Variants in SEC14L2 observed in about 807,000 individuals in gnomAD.
SEC14L2 encodes the protein SEC14 like lipid binding 2.
SEC14L2 carries 50 observed loss-of-function variants against 56.9 expected under a neutral mutation model. The observed-to-expected ratio is 0.88, with a 90% confidence interval of 0.70 to 1.11. The LOEUF (loss-of-function observed/expected upper bound fraction) is 1.11. SEC14L2 is among the 50% of genes most tolerant of loss of function. The probability of loss-of-function intolerance (pLI) is 0.00; values close to 1 mark genes in which losing one functional copy is unlikely to be tolerated. For missense variants in SEC14L2, 414 were observed against 500.7 expected (o/e 0.83, Z 1.65); for synonymous variants, 179 against 188.5 (o/e 0.95, Z 0.41).
chr22:30,411,730 G>A (rs13054598), intron 8 of SEC14L2, among the ~76,000 whole-genome samples: 1 of 35,894 alleles, frequency 2.8e-5, no homozygotes, highest in Non-Finnish European at 4.8e-5. Flanking sequence ...CTGGGCAACA[G>A]AGACTCCGTC....
chr22:30,422,352 CAG>C lies in SEC14L2; in HGVS notation c.1159_1160del (p.Asp387GlnfsTer46). The C allele has an allele frequency of 6.2e-7, 1 of 1,614,210 alleles. No homozygotes were observed. The highest frequency in any genetic ancestry group is 8.5e-7 in the Non-Finnish European group (1 of 1,180,030). On this transcript the variant is annotated frameshift_variant, in exon 12 of 12. Coordinates refer to ENST00000615189, the MANE Select transcript of SEC14L2 (RefSeq NM_012429.5). LOFTEE classifies it high-confidence loss of function. ...AATTTCACTGTGGAGGTCCTGCTTCCAGACAAAGCCTCAGAAGAGAAGATGAA... is the reference window on the plus strand; with the variant it reads ...AATTTCACTGTGGAGGTCCTGCTTCCACAAAGCCTCAGAAGAGAAGATGAA...
Position 30,422,395 on chromosome 22 carries a change from C to A in SEC14L2, c.1200C>A (p.Gly400=), listed in dbSNP as rs756795705. The change falls in exon 12 of 12, where the codon GGC becomes GGA. Residue 400 remains glycine, a synonymous_variant. Coordinates refer to ENST00000615189, the MANE Select transcript of SEC14L2 (RefSeq NM_012429.5). ...SEEKMKQLGA[G]TPK ...AGAAGATGAAACAGCTGGGGGCAGG[C>A]ACCCCGAAATAACACCTTCTCCTAT... is the stretch of plus-strand genomic sequence containing the variant. The A allele has an allele frequency of 7.4e-6, 12 of 1,614,056 alleles. No homozygotes were observed. The highest frequency in any genetic ancestry group is 3.4e-6 in the Non-Finnish European group (4 of 1,180,024).
Position 30,397,177 on chromosome 22 carries a change from T to C in SEC14L2, c.54+7T>C, listed in dbSNP as rs776829240. 3 of 1,533,094 alleles carry C rather than the reference T, an allele frequency of 2.0e-6. No individual in the cohort carries two copies. The East Asian group carries it at 7.6e-5, about 39-fold the overall frequency. 95.0% of individuals were successfully genotyped at this position (1,533,094 alleles called of 1,614,324 possible). On this transcript the variant is annotated splice_region_variant and intron_variant, in intron 1 of 11. Transcript: ENST00000615189. ...GAAGGAGGCATTGGCCAAGGTGAGC[T>C]GTAGCCCTGGCCCGGGCTCCCGCCT...
At chr22:30,401,477 C>T (rs1933931646) in intron 2 of SEC14L2, among the ~76,000 whole-genome samples, 1 of 151,518 alleles carries the variant, frequency 6.6e-6, no homozygotes, top group African/African-American at 2.4e-5. Flanking sequence ...TGAGCCACCA[C>T]ACCTGGCTGT....
In SEC14L2 at chr22:30,406,391, A is replaced by T. The variant is rs779419325; in HGVS notation, c.174+6A>T. The T allele has an allele frequency of 6.2e-7, 1 of 1,614,016 alleles. No homozygotes were observed. Among genetic ancestry groups the T allele is most frequent in the Non-Finnish European group, 8.5e-7 (1 of 1,179,930 alleles). On this transcript the variant is annotated splice_donor_region_variant and intron_variant, in intron 3 of 11. Transcript: ENST00000615189. The stretch of plus-strand genomic sequence containing the variant: ...CGGAGGCCATGCTCCGGAAGGTGAG[A>T]CACATTTGGCTGTTGCTTCAGTTCC...
At chr22:30,404,022 A>AG (rs1383551203) in intron 2 of SEC14L2, among the ~76,000 whole-genome samples, 7 of 133,624 alleles carry the variant, frequency 5.2e-5, no homozygotes, top group African/African-American at 2.0e-4. Flanking sequence ...AAAAAAAAAA[A>AG]AAAAAAAGAA....
chr22:30,408,505 A>T (rs182858050), intron 5 of SEC14L2, among the ~76,000 whole-genome samples: 102 of 152,270 alleles, frequency 6.7e-4, no homozygotes, highest in Admixed American at 3.3e-3. Flanking sequence ...GGATCACTTG[A>T]ACTTGGGAAG....
Position 30,418,717 on chromosome 22 carries a change from C to T in SEC14L2, c.1081+2314C>T, listed in dbSNP as rs571004235. 3.3e-5 allele frequency among the ~76,000 whole-genome samples: 5 copies of T among 152,330 alleles called. No individual in the cohort carries two copies. The South Asian group carries it at 1.0e-3, about 32-fold the overall frequency. On this transcript the variant is annotated intron_variant, in intron 11 of 11. Transcript: ENST00000615189. ...GGTACAAAGACAATGAAGTTGGAAT[C>T]AGCTGTTACCTGGTGCCACAGCTAA...
intron 8 of SEC14L2, among the ~76,000 whole-genome samples, chr22:30,411,083 C>T (rs775603282): frequency 1.3e-5 from 2 of 151,686 alleles, no homozygotes; most frequent in Non-Finnish European, 1.5e-5. Flanking sequence ...GGCAACAAAG[C>T]GAGACCCTGT....
chr22:30,405,391 A>T (rs1934065654), intron 2 of SEC14L2, among the ~76,000 whole-genome samples: 1 of 152,254 alleles, frequency 6.6e-6, no homozygotes, highest in Non-Finnish European at 1.5e-5. Context: ...TGCAAATTGC[A>T]GCTATGATTA....
At chr22:30,421,741 A>C (rs1934524176) in intron 11 of SEC14L2, 1 of 152,326 alleles carries the variant, frequency 6.6e-6, no homozygotes, top group African/African-American at 2.4e-5. Context: ...GAACAGACGG[A>C]AACTCCAGCT....
rs1254500819 is a variant in SEC14L2, at chr22:30,415,949, T to A, written c.773T>A (p.Ile258Asn). ...GTTCACTCCATGCCATGCTTCTAGA[T>A]CAACTACGGGGGTGACATCCCCAGG... ...PDGNPKCKSK[I>N]NYGGDIPRKY... Residue 258 changes from isoleucine to asparagine, a missense_variant and splice_region_variant, in exon 10 of 12, where the codon ATC becomes AAC. By Grantham distance (149) the Ile-to-Asn change is moderately radical. Coordinates refer to ENST00000615189, the MANE Select transcript of SEC14L2 (RefSeq NM_012429.5). 1.2e-6 allele frequency: 2 copies of A among 1,614,144 alleles called. No individual in the cohort carries two copies. The highest frequency in any genetic ancestry group is 8.5e-7 in the Non-Finnish European group (1 of 1,180,004).
intron 5 of SEC14L2, 88 bp downstream of exon 5, chr22:30,407,691 A>AGCTTCAGG: frequency 8.3e-7 from 1 of 1,210,848 alleles, no homozygotes; most frequent in Non-Finnish European, 1.1e-6. Context: ...ATATAAGCAC[A>AGCTTCAGG]GCTTCAGGGC....
chr22:30,401,356 C>T (rs1394190093), intron 2 of SEC14L2, among the ~76,000 whole-genome samples: 1 of 142,626 alleles, frequency 7.0e-6, no homozygotes, highest in Non-Finnish European at 1.5e-5. Flanking sequence ...ATTATAGGCT[C>T]CCACCACCAC....
chr22:30,416,812 C>A, intron 11 of SEC14L2: 1 of 1,144,230 alleles, frequency 8.7e-7, no homozygotes, highest in East Asian at 5.3e-5. Flanking sequence ...AAAAGTGCAG[C>A]CTTCACCCCT....
chr22:30,424,869 C>CT lies in SEC14L2; in HGVS notation c.*2463dup, dbSNP rs1934627429. On this transcript the variant is annotated 3_prime_UTR_variant, in exon 12 of 12. Coordinates refer to ENST00000615189, the MANE Select transcript of SEC14L2 (RefSeq NM_012429.5). ...CCTGTTGTAATCACTAACCCCAACT[C>CT]TGTCTCCCTTGCCCGATTCATTCAT... 4.4e-6 allele frequency: 2 copies of CT among 454,824 alleles called. No homozygotes were observed. Among genetic ancestry groups the CT allele is most frequent in the East Asian group, 1.4e-4 (2 of 14,392 alleles). The allele number at this position is 454,824 out of a possible 1,614,324, so 28.2% of individuals were successfully genotyped here.
rs542274834 is a variant in SEC14L2, at chr22:30,403,523, G to A, written c.131-2819G>A. Among the ~76,000 whole-genome samples the A allele has an allele frequency of 4.6e-5, 7 of 152,360 alleles. No individual in the cohort carries two copies. In the East Asian group the frequency reaches 1.3e-3, roughly 29 times the overall value. ...TGAGTTGCCCCTGACCAGGGCAGCA[G>A]GAGCCTGGAGAGGCCTCAAGCAGGC... On this transcript the variant is annotated intron_variant, in intron 2 of 11. Coordinates refer to ENST00000615189, the MANE Select transcript of SEC14L2 (RefSeq NM_012429.5).
At chr22:30,404,028 A>AAAT (rs1555996012) in intron 2 of SEC14L2, among the ~76,000 whole-genome samples, 1 of 86,786 alleles carries the variant, frequency 1.2e-5, no homozygotes, top group African/African-American at 4.4e-5. Flanking sequence ...AAAAAAAAAA[A>AAAT]AGAAAAAAAA....
intron 8 of SEC14L2, among the ~76,000 whole-genome samples, chr22:30,411,742 C>CAAAGAAAAAAA (rs1934254453): frequency 1.5e-5 from 1 of 67,810 alleles, no homozygotes; most frequent in Admixed American, 2.1e-4. Context: ...GACTCCGTCT[C>CAAAGAAAAAAA]AAAAAAAAAA....
Sources: gnomAD v4.1 joint callset for allele counts (sites outside exome capture counted in the v4.1 genomes callset) on GRCh38, gnomAD v4.1.1 for gene constraint, MANE v1.5 for transcripts, NCBI Gene and HGNC (gene_info 2026-07-23, HGNC 2026-07-21) for gene names.